LRRTM4: variants seen among roughly 807,000 people sequenced by gnomAD.
LRRTM4 encodes leucine-rich repeat transmembrane neuronal protein 4.
In LRRTM4, 25 loss-of-function variants were observed where a neutral mutation model predicts 47.6. The ratio of observed to expected loss-of-function variants is 0.53; its 90% confidence interval spans 0.38 to 0.73. The LOEUF is 0.73. LRRTM4 is among the 30% of genes least tolerant of loss of function. LRRTM4 has a pLI of 0.00. For synonymous variants in LRRTM4, 311 were observed against 269.5 expected (o/e 1.15, Z -1.51); for missense variants, 638 against 713.4 (o/e 0.89, Z 1.20).
intron 3 of LRRTM4, among the ~76,000 whole-genome samples, chr2:77,107,296 C>T (rs62168769): frequency 0.14 from 17,814 of 127,624 alleles, 1,306 homozygotes; most frequent in East Asian, 0.22. Context: ...ACTATATTAC[C>T]TTTATATATT....
intron 3 of LRRTM4, among the ~76,000 whole-genome samples, chr2:77,125,298 T>C (rs1472447585): frequency 2.0e-5 from 3 of 152,176 alleles, no homozygotes; most frequent in Non-Finnish European, 4.4e-5. Flanking sequence ...GTAAACACTC[T>C]TTCTATAATT....
chr2:77,144,781 A>G (rs1463699275), intron 3 of LRRTM4, among the ~76,000 whole-genome samples: 1 of 152,154 alleles, frequency 6.6e-6, no homozygotes, highest in African/African-American at 2.4e-5. Flanking sequence ...AAAAAAAAGC[A>G]CTAGCCAAAT....
chr2:77,329,023 T>C (rs564588929), intron 3 of LRRTM4, among the ~76,000 whole-genome samples: 20 of 152,314 alleles, frequency 1.3e-4, no homozygotes, highest in Admixed American at 5.9e-4. Flanking sequence ...CAGGATTTCA[T>C]GCGTCTTGTC....
At chr2:77,479,840 A>G (rs1403038482) in intron 3 of LRRTM4, among the ~76,000 whole-genome samples, 1 of 151,406 alleles carries the variant, frequency 6.6e-6, no homozygotes, top group Non-Finnish European at 1.5e-5. Flanking sequence ...CTTCAGAATG[A>G]TTGCATGCTT....
At chr2:77,294,803 G>A (rs1676926656) in intron 3 of LRRTM4, among the ~76,000 whole-genome samples, 1 of 151,980 alleles carries the variant, frequency 6.6e-6, no homozygotes, top group Non-Finnish European at 1.5e-5. Context: ...ATGGCAACAG[G>A]GAACTCGAAA....
chr2:77,162,220 C>T (rs759537440), intron 3 of LRRTM4, among the ~76,000 whole-genome samples: 2 of 152,204 alleles, frequency 1.3e-5, no homozygotes, highest in African/African-American at 4.8e-5. Context: ...GCCTCGCTCA[C>T]TGCTAGTACA....
In LRRTM4 at chr2:77,085,377, A is replaced by AT. The variant is rs1680676163; in HGVS notation, c.1552-336462_1552-336461insA. The stretch of plus-strand genomic sequence containing the variant: ...AAATACATTCAACTGGCAATCCCTC[A>AT]CTTTTTTTTTTTTTTGCCTGTTTTA... On this transcript the variant is annotated intron_variant, in intron 3 of 3. Coordinates refer to ENST00000409884, the MANE Select transcript of LRRTM4 (RefSeq NM_001134745.3). 4.4e-5 allele frequency among the ~76,000 whole-genome samples: 6 copies of AT among 136,378 alleles called. No homozygotes were observed. The East Asian group carries it at 1.1e-3, about 24-fold the overall frequency. 89.5% of individuals were successfully genotyped at this position (136,378 alleles called of 152,430 possible).
At chr2:77,195,841 G>C (rs1351133768) in intron 3 of LRRTM4, among the ~76,000 whole-genome samples, 1 of 152,090 alleles carries the variant, frequency 6.6e-6, no homozygotes, top group African/African-American at 2.4e-5. Flanking sequence ...TATTAATTAT[G>C]ATGAGTCCCA....
chr2:77,393,407 C>G (rs1435256007), intron 3 of LRRTM4, among the ~76,000 whole-genome samples: 1 of 151,864 alleles, frequency 6.6e-6, no homozygotes, highest in Admixed American at 6.6e-5. Flanking sequence ...GTACATAATT[C>G]AGATTGGCAA....
chr2:77,346,457 C>A (rs1329884116), intron 3 of LRRTM4, among the ~76,000 whole-genome samples: 1 of 151,974 alleles, frequency 6.6e-6, no homozygotes, highest in South Asian at 2.1e-4. Context: ...TGTGCAAGTA[C>A]TTGTGTACAC....
chr2:76,942,367 A>C (rs991355504), intron 3 of LRRTM4, among the ~76,000 whole-genome samples: 1 of 152,052 alleles, frequency 6.6e-6, no homozygotes, highest in African/African-American at 2.4e-5. Flanking sequence ...GGTTAAACAC[A>C]TTTTAAAAGC....
chr2:76,832,275 G>C (rs565211603), intron 3 of LRRTM4, among the ~76,000 whole-genome samples: 65 of 152,074 alleles, frequency 4.3e-4, no homozygotes, highest in African/African-American at 1.5e-3. Context: ...AGCGAGCCTA[G>C]AATATGTTGA....
At chr2:77,374,078 C>T (rs1330367145) in intron 3 of LRRTM4, among the ~76,000 whole-genome samples, 1 of 151,696 alleles carries the variant, frequency 6.6e-6, no homozygotes. Flanking sequence ...TATCTGCAAC[C>T]TGCCTGTCTA....
chr2:77,170,447 G>A (rs1038916298), intron 3 of LRRTM4, among the ~76,000 whole-genome samples: 1 of 152,112 alleles, frequency 6.6e-6, no homozygotes, highest in African/African-American at 2.4e-5. Context: ...TTCCCATAGA[G>A]TCCCCAGAAA....
intron 3 of LRRTM4, among the ~76,000 whole-genome samples, chr2:77,465,183 CT>C (rs551150220): frequency 7.2e-5 from 11 of 152,166 alleles, no homozygotes; most frequent in South Asian, 2.1e-4. Flanking sequence ...GGATTGATGT[CT>C]GGTATTCATA....
intron 3 of LRRTM4, among the ~76,000 whole-genome samples, chr2:77,467,269 A>G (rs1362711840): frequency 1.3e-5 from 2 of 152,012 alleles, no homozygotes; most frequent in African/African-American, 2.4e-5. Flanking sequence ...CTCATGTATT[A>G]TCAGTTTGGA....
chr2:77,009,952 T>C (rs1677805611), intron 3 of LRRTM4, among the ~76,000 whole-genome samples: 1 of 151,440 alleles, frequency 6.6e-6, no homozygotes, highest in African/African-American at 2.4e-5. Context: ...ACTTAAAATT[T>C]CATCAGGGCA....
At chr2:76,774,595 C>T (rs1673877620) in intron 3 of LRRTM4, among the ~76,000 whole-genome samples, 1 of 152,076 alleles carries the variant, frequency 6.6e-6, no homozygotes, top group African/African-American at 2.4e-5. Flanking sequence ...ATTATCTTCA[C>T]ATTGAGTAGG....
intron 3 of LRRTM4, among the ~76,000 whole-genome samples, chr2:77,219,714 G>T (rs1387654265): frequency 2.0e-5 from 3 of 152,150 alleles, no homozygotes; most frequent in Non-Finnish European, 4.4e-5. Context: ...ATTCTTTTAC[G>T]CAGCAGCTGT....
Sources: gnomAD v4.1 joint callset for allele counts (sites outside exome capture counted in the v4.1 genomes callset) on GRCh38, gnomAD v4.1.1 for gene constraint, MANE v1.5 for transcripts, NCBI Gene and HGNC (gene_info 2026-07-23, HGNC 2026-07-21) for gene names.